Variants in ZNF185 observed in about 807,000 individuals in gnomAD.
The protein encoded by ZNF185 is zinc finger protein 185 with LIM domain.
In ZNF185, 56 loss-of-function variants were observed where a neutral mutation model predicts 58.6. The observed-to-expected ratio is 0.95, with a 90% CI of 0.77 to 1.19. The LOEUF is 1.19. Ranked by LOEUF, ZNF185 falls within the 50% of genes most tolerant of loss-of-function variation. The pLI is 0.00. For missense variants in ZNF185, 627 were observed against 573.5 expected, an observed-to-expected ratio of 1.09 and a Z score of -0.95; for synonymous variants, 230 against 215.9, an observed-to-expected ratio of 1.07 and a Z score of -0.57.
At chrX:152,965,972 C>G (rs2050065115) in intron 19 of ZNF185, among the ~76,000 whole-genome samples, 2 of 109,808 alleles carry the variant, frequency 1.8e-5, no homozygotes, top group Admixed American at 1.9e-4. Flanking sequence ...ACATGTGTGG[C>G]TTTGCTTTTT....
intron 11 of ZNF185, among the ~76,000 whole-genome samples, chrX:152,926,923 T>G (rs782207667): frequency 8.9e-6 from 1 of 112,657 alleles, no homozygotes; most frequent in Non-Finnish European, 1.9e-5. Context: ...TCTTACCTTT[T>G]GTTGCCTGCA....
At chrX:152,948,555 C>G (rs891968753) in intron 16 of ZNF185, among the ~76,000 whole-genome samples, 30 of 111,856 alleles carry the variant, frequency 2.7e-4, no homozygotes, top group African/African-American at 9.4e-4. Flanking sequence ...TGAGTGAATC[C>G]TGTGTGACCC....
At chrX:152,967,375 A>G (rs1297617294) in intron 20 of ZNF185, 137 bp downstream of exon 22, 2 of 562,747 alleles carry the variant, frequency 3.6e-6, no homozygotes, top group African/African-American at 4.6e-5. Context: ...GAAGGACACT[A>G]CCGTAGGGTG....
exon 6 of ZNF185, chrX:152,918,094 C>G: frequency 1.7e-6 from 2 of 1,193,015 alleles, no homozygotes; most frequent in African/African-American, 1.7e-5. Context: ...ACAGCTAACG[C>G]TGGTCCTCCC....
At chrX:152,972,019 C>T (rs2050683308) in exon 23 of ZNF185, 1 of 112,235 alleles carries the variant, frequency 8.9e-6, no homozygotes, top group African/African-American at 3.2e-5. Context: ...GCTCCCTGAA[C>T]TTCACACATA....
intron 16 of ZNF185, among the ~76,000 whole-genome samples, chrX:152,959,058 T>TCCTG (rs1266265717): frequency 8.9e-6 from 1 of 112,811 alleles, no homozygotes; most frequent in Non-Finnish European, 1.9e-5. Flanking sequence ...CAGTCCCGGT[T>TCCTG]CCTGCCGCCA....
At chrX:152,911,153 T>G (rs782294758), upstream of ZNF185, among the ~76,000 whole-genome samples, 4 of 111,149 alleles carry the variant, frequency 3.6e-5, no homozygotes, top group African/African-American at 1.3e-4. Context: ...GAGCACCCAG[T>G]AGGAGCAGGG....
chrX:152,969,902 G>C (rs2050513006), intron 21 of ZNF185, among the ~76,000 whole-genome samples: 1 of 112,125 alleles, frequency 8.9e-6, no homozygotes, highest in Non-Finnish European at 1.9e-5. Context: ...AGTGACATTG[G>C]GGTCCCCATT....
At chrX:152,898,230 C>T in the ZNF185 span, among the ~76,000 whole-genome samples, 5 of 111,507 alleles carry the variant, frequency 4.5e-5, no homozygotes, top group South Asian at 1.5e-3. Flanking sequence ...AGCCGGGCAC[C>T]GGTGCCAGGT....
intron 16 of ZNF185, among the ~76,000 whole-genome samples, chrX:152,955,699 C>G (rs969564408): frequency 9.0e-6 from 1 of 111,013 alleles, no homozygotes. Context: ...CTCAGGAGAT[C>G]GAGACCATCA....
intron 15 of ZNF185, among the ~76,000 whole-genome samples, 180 bp downstream of exon 17, chrX:152,938,343 C>T (rs1444549193): frequency 8.9e-6 from 1 of 112,562 alleles, no homozygotes; most frequent in African/African-American, 3.2e-5. Context: ...GGGAGCTTTC[C>T]ACTAAACTGT....
intron 17 of ZNF185, among the ~76,000 whole-genome samples, chrX:152,962,298 T>G (rs1208761838): frequency 9.0e-6 from 1 of 110,532 alleles, no homozygotes. Context: ...CATTTTTTCT[T>G]TTTTTTAAGA....
chrX:152,901,633 G>A, the ZNF185 span, among the ~76,000 whole-genome samples: 1 of 111,343 alleles, frequency 9.0e-6, no homozygotes, highest in South Asian at 3.7e-4. Context: ...TTTCCAAAGG[G>A]AAACTGAGGC....
At chrX:152,969,998 A>G (rs782244560) in intron 21 of ZNF185, among the ~76,000 whole-genome samples, 61 of 111,183 alleles carry the variant, frequency 5.5e-4, no homozygotes, top group Non-Finnish European at 1.0e-3. Context: ...GAGAAAAACA[A>G]CCCTCCCCTT....
chrX:152,969,646 G>A (rs989218832), intron 21 of ZNF185, among the ~76,000 whole-genome samples, 162 bp downstream of exon 23: 1 of 112,281 alleles, frequency 8.9e-6, no homozygotes, highest in Admixed American at 9.4e-5. Context: ...TTGCACAACT[G>A]GGAGCTGAAT....
At chrX:152,952,484 C>T (rs2048383263) in intron 16 of ZNF185, among the ~76,000 whole-genome samples, 1 of 112,009 alleles carries the variant, frequency 8.9e-6, no homozygotes. Flanking sequence ...TACACATATA[C>T]AACATACATG....
At chrX:152,945,131 T>C in intron 15 of ZNF185, 136 bp from the exon 18 acceptor site, 1 of 684,769 alleles carries the variant, frequency 1.5e-6, no homozygotes, top group Non-Finnish European at 2.2e-6. Flanking sequence ...GGGCTGTGCC[T>C]GGCTCCTTTC....
intron 17 of ZNF185, among the ~76,000 whole-genome samples, chrX:152,963,608 A>C (rs782327622): frequency 3.6e-5 from 4 of 112,021 alleles, no homozygotes; most frequent in African/African-American, 1.3e-4. Flanking sequence ...AGGAGTACTG[A>C]GTGGACACTG....
chrX:152,940,445 T>TGGGGA (rs2047057903), intron 15 of ZNF185, among the ~76,000 whole-genome samples: 1 of 86,275 alleles, frequency 1.2e-5, no homozygotes, highest in Non-Finnish European at 2.3e-5. Flanking sequence ...GGGGGTGGGG[T>TGGGGA]TCCAGGTCAT....
Sources: gnomAD v4.1 joint callset for allele counts (sites outside exome capture counted in the v4.1 genomes callset) on GRCh38, gnomAD v4.1.1 for gene constraint, MANE v1.5 for transcripts, NCBI Gene and HGNC (gene_info 2026-07-23, HGNC 2026-07-21) for gene names.